TMA7: variants seen among roughly 807,000 people sequenced by gnomAD.
The protein encoded by TMA7 is translation machinery associated 7 homolog, also known as translation machinery-associated protein 7.
Under a neutral mutation model 12.5 loss-of-function variants are expected in TMA7, and 5 were observed. The observed-to-expected ratio is 0.40, with a 90% confidence interval of 0.21 to 0.84. TMA7 has a LOEUF of 0.84. Among genes scored for constraint, TMA7 ranks in the 40% least tolerant of loss-of-function variants. The pLI, the probability that TMA7 is intolerant of heterozygous loss-of-function variation, is 0.36. For synonymous variants in TMA7, 36 were observed against 28.1 expected (o/e 1.28, Z -0.89); for missense variants, 71 against 75.4 (o/e 0.94, Z 0.22).
intron 3 of TMA7, chr3:48,441,011 T>A (rs1426422825): frequency 4.2e-6 from 1 of 237,230 alleles, no homozygotes; most frequent in Non-Finnish European, 8.1e-6. Context: ...TTAGAAGTTT[T>A]TTTGTTTTGT....
intron 3 of TMA7, 39 bp downstream of exon 3, chr3:48,440,667 C>G (rs753195009): frequency 1.3e-6 from 2 of 1,569,662 alleles, no homozygotes; most frequent in Non-Finnish European, 1.7e-6. Context: ...TGGCCAAACG[C>G]TATGAGCACC....
In TMA7 at chr3:48,440,305, C is replaced by A; in HGVS notation, c.9C>A (p.Gly3=). 2 of 1,607,274 alleles carry A rather than the reference C, an allele frequency of 1.2e-6. No homozygotes were observed. The highest frequency in any genetic ancestry group is 1.7e-6 in the Non-Finnish European group (2 of 1,176,786). The change falls in exon 1 of 4, where the codon GGC becomes GGA. Residue 3 remains glycine, a synonymous_variant. Coordinates refer to ENST00000438607, the MANE Select transcript of TMA7 (RefSeq NM_015933.6). Reference sequence around the variant, plus strand: ...AAGCGGCGGCAGGCGCCATGTCCGGCCGCGAAGGTAAGTGTTCCGGAACCG... The same window carrying A: ...AAGCGGCGGCAGGCGCCATGTCCGGACGCGAAGGTAAGTGTTCCGGAACCG... MS[G]REGGKKKPLK...
chr3:48,440,903 C>T, intron 3 of TMA7: 1 of 525,282 alleles, frequency 1.9e-6, no homozygotes. Context: ...ACCTCAGACG[C>T]AGATTCACAG....
chr3:48,443,770 A>G (rs2039619733), intron 3 of TMA7, 78 bp from the exon 4 acceptor site: 2 of 1,229,450 alleles, frequency 1.6e-6, no homozygotes, highest in Non-Finnish European at 2.2e-6. Flanking sequence ...AGGCTTTACT[A>G]AGGTCCACAG....
chr3:48,441,108 CG>C lies in TMA7; in HGVS notation c.160+483del, dbSNP rs551525870. The C allele has an allele frequency of 1.6e-4, 25 of 155,646 alleles. No individual in the cohort carries two copies. The South Asian group carries it at 4.5e-3, about 28-fold the overall frequency. The allele number at this position is 155,646 out of a possible 1,614,324, so 9.6% of individuals were successfully genotyped here. Reference sequence around the variant, plus strand: ...CCGGCTCACTGCAACCTCCACCTTCCGGGTTCAAGCAATTCTCCTGCCTCAG... The same window carrying C: ...CCGGCTCACTGCAACCTCCACCTTCCGGTTCAAGCAATTCTCCTGCCTCAG... On this transcript the variant is annotated intron_variant, in intron 3 of 3. Transcript: ENST00000438607.
intron 3 of TMA7, among the ~76,000 whole-genome samples, chr3:48,441,345 G>GTT (rs1222910489): frequency 1.8e-4 from 27 of 150,498 alleles, no homozygotes; most frequent in African/African-American, 6.6e-4. Context: ...CACCTGGCCA[G>GTT]TTTTTTTTTG....
intron 3 of TMA7, among the ~76,000 whole-genome samples, chr3:48,443,241 C>CAAAAAAAA (rs3082576): frequency 2.8e-5 from 2 of 70,534 alleles, no homozygotes; most frequent in African/African-American, 1.3e-4. Flanking sequence ...ACTCCATCTC[C>CAAAAAAAA]AAAAAAAAAA....
At position 48,440,455 on chromosome 3, in the gene TMA7, C is replaced by G; in HGVS notation, c.69C>G (p.Asp23Glu). ...KQPKKQAKEMDEEDKAFKQKQ... is the reference protein window; with the variant it reads ...KQPKKQAKEMEEEDKAFKQKQ... ...CCAAGAAGCAGGCCAAGGAGATGGA[C>G]GAGGTGAGGGCGGGCGCGGAGGCAC... The change falls in exon 2 of 4, where the codon GAC becomes GAG. Residue 23 changes from aspartate to glutamate, a missense_variant. Asp to Glu is a conservative substitution (Grantham distance 45). Transcript: ENST00000438607. 1.2e-6 allele frequency: 2 copies of G among 1,612,130 alleles called. No individual in the cohort carries two copies. Among genetic ancestry groups the G allele is most frequent in the Non-Finnish European group, 1.7e-6 (2 of 1,179,638 alleles).
chr3:48,443,346 G>A (rs889356491), intron 3 of TMA7, among the ~76,000 whole-genome samples: 1 of 151,036 alleles, frequency 6.6e-6, no homozygotes, highest in Non-Finnish European at 1.5e-5. Flanking sequence ...TCAGGAGTTC[G>A]AGACCAGCCT....
chr3:48,440,660 C>G, intron 3 of TMA7, 32 bp downstream of exon 3: 2 of 1,592,194 alleles, frequency 1.3e-6, no homozygotes, highest in South Asian at 1.1e-5. Flanking sequence ...CTCAAGCTGG[C>G]CAAACGCTAT....
At chr3:48,440,911 C>T (rs763643604) in intron 3 of TMA7, 1 of 513,034 alleles carries the variant, frequency 1.9e-6, no homozygotes, top group Non-Finnish European at 3.5e-6. Flanking sequence ...CGCAGATTCA[C>T]AGTTAAGTTT....
chr3:48,440,761 G>C, intron 3 of TMA7, 133 bp downstream of exon 3: 1 of 792,724 alleles, frequency 1.3e-6, no homozygotes, highest in Admixed American at 2.6e-5. Context: ...GCAGCGAATG[G>C]TCTCTAGCCA....
chr3:48,440,631 A>G lies in TMA7; in HGVS notation c.160+3A>G, dbSNP rs1197407679. The G allele has an allele frequency of 6.2e-7, 1 of 1,610,428 alleles. No individual in the cohort carries two copies. On this transcript the variant is annotated splice_donor_region_variant and intron_variant, in intron 3 of 3. Transcript: ENST00000438607. ...GGCCGCGGGGAAGGGGCCCTTGGGT[A>G]AGTGGGGGCCGAATGGAGCTCAAGC...
intron 3 of TMA7, among the ~76,000 whole-genome samples, chr3:48,443,501 T>A (rs1304522125): frequency 6.6e-6 from 1 of 150,516 alleles, no homozygotes; most frequent in African/African-American, 2.5e-5. Context: ...GCCACTGCAC[T>A]GCAGCCTGGG....
intron 3 of TMA7, among the ~76,000 whole-genome samples, chr3:48,442,122 A>G (rs1311666508): frequency 6.6e-6 from 1 of 152,058 alleles, no homozygotes; most frequent in Non-Finnish European, 1.5e-5. Flanking sequence ...AATCCCAGCT[A>G]TTTAAAAGGC....
intron 3 of TMA7, among the ~76,000 whole-genome samples, chr3:48,441,250 T>TAGA (rs2039556846): frequency 6.6e-6 from 1 of 152,116 alleles, no homozygotes; most frequent in Non-Finnish European, 1.5e-5. Context: ...TTCACCATCT[T>TAGA]AGCCAGGCTG....
In TMA7 at chr3:48,443,839, CT is replaced by C; in HGVS notation, c.161-5del. The C allele has an allele frequency of 6.4e-7, 1 of 1,558,506 alleles. No individual in the cohort carries two copies. The highest frequency in any genetic ancestry group is 8.6e-7 in the Non-Finnish European group (1 of 1,158,608). ...TTTTTCCCTAATTGTGACTATTTTT[CT>C]TTTGCAGCCACAGGTGGAATTAAGA... On this transcript the variant is annotated splice_region_variant and splice_polypyrimidine_tract_variant and intron_variant, in intron 3 of 3. Coordinates refer to ENST00000438607, the MANE Select transcript of TMA7 (RefSeq NM_015933.6).
intron 3 of TMA7, among the ~76,000 whole-genome samples, chr3:48,443,585 A>T (rs1025175908): frequency 6.6e-6 from 1 of 152,032 alleles, no homozygotes; most frequent in Admixed American, 6.6e-5. Flanking sequence ...TTGATATGGC[A>T]TGAGGATTAA....
chr3:48,442,349 G>A (rs1398636329), intron 3 of TMA7, among the ~76,000 whole-genome samples: 1 of 151,140 alleles, frequency 6.6e-6, no homozygotes, highest in Non-Finnish European at 1.5e-5. Context: ...GTAACTCTAT[G>A]CTAGTTGTTT....
Sources: gnomAD v4.1 joint callset for allele counts (sites outside exome capture counted in the v4.1 genomes callset) on GRCh38, gnomAD v4.1.1 for gene constraint, MANE v1.5 for transcripts, NCBI Gene and HGNC (gene_info 2026-07-23, HGNC 2026-07-21) for gene names.